GRID2: variants seen among roughly 807,000 people sequenced by gnomAD.
The protein encoded by GRID2 is glutamate receptor ionotropic, delta-2.
GRID2 carries 33 observed loss-of-function variants against 114.8 expected under a neutral mutation model. That is an observed-to-expected ratio of 0.29 (90% confidence interval 0.22 to 0.38). The LOEUF (loss-of-function observed/expected upper bound fraction) is 0.38, where lower values mean the gene tolerates loss of function less well. GRID2 is among the 10% of genes least tolerant of loss of function. The pLI, the probability that GRID2 is intolerant of heterozygous loss-of-function variation, is 1.00. For synonymous variants in GRID2, 505 were observed against 449.9 expected (o/e 1.12, Z -1.55); for missense variants, 1,184 against 1,257.7 (o/e 0.94, Z 0.89).
intron 7 of GRID2, among the ~76,000 whole-genome samples, chr4:93,229,025 C>T (rs1412965938): frequency 6.6e-6 from 1 of 152,046 alleles, no homozygotes; most frequent in Non-Finnish European, 1.5e-5. Context: ...TCAGCTTCTG[C>T]CCCAGTGTCA....
chr4:93,406,546 G>A (rs1413621700), intron 9 of GRID2, among the ~76,000 whole-genome samples: 5 of 152,098 alleles, frequency 3.3e-5, no homozygotes, highest in Non-Finnish European at 5.9e-5. Flanking sequence ...CTACAAGTGT[G>A]GGCAAAGAAT....
chr4:92,359,617 C>T (rs949045022), intron 1 of GRID2, among the ~76,000 whole-genome samples: 9 of 151,938 alleles, frequency 5.9e-5, no homozygotes, highest in Non-Finnish European at 1.3e-4. Context: ...TTCAATAGAG[C>T]ATAGCCCCTC....
chr4:93,435,301 C>T (rs553169696), intron 10 of GRID2, among the ~76,000 whole-genome samples: 2 of 152,220 alleles, frequency 1.3e-5, no homozygotes, highest in African/African-American at 2.4e-5. Flanking sequence ...GATCTCATTG[C>T]TCTTTAATAA....
At chr4:93,358,137 T>A (rs1761526491) in intron 8 of GRID2, among the ~76,000 whole-genome samples, 1 of 151,862 alleles carries the variant, frequency 6.6e-6, no homozygotes, top group Non-Finnish European at 1.5e-5. Flanking sequence ...TTTCTTCTTC[T>A]AATTTAGAAA....
Position 92,527,225 on chromosome 4 carries a change from A to G in GRID2, c.89-62906A>G, listed in dbSNP as rs574469891. 6.6e-5 allele frequency among the ~76,000 whole-genome samples: 10 copies of G among 152,274 alleles called. No homozygotes were observed. In the South Asian group the frequency reaches 2.1e-3, roughly 32 times the overall value. ...ACAAAAGAGAGAAGTAAGATTTTATAACCTCTTACAATTTGAATAAATGAT... is the reference window on the plus strand; with the variant it reads ...ACAAAAGAGAGAAGTAAGATTTTATGACCTCTTACAATTTGAATAAATGAT... On this transcript the variant is annotated intron_variant, in intron 1 of 15. Transcript: ENST00000282020.
At chr4:93,775,185 C>T (rs191691202), downstream of GRID2, among the ~76,000 whole-genome samples, 192 of 151,136 alleles carry the variant, frequency 1.3e-3, no homozygotes, top group African/African-American at 4.2e-3. Flanking sequence ...TCTAAAGTTC[C>T]ATCCAAAATA....
chr4:93,353,093 C>A (rs1255031885), intron 8 of GRID2, among the ~76,000 whole-genome samples: 1 of 151,958 alleles, frequency 6.6e-6, no homozygotes, highest in Non-Finnish European at 1.5e-5. Context: ...TTTAGAAAGC[C>A]AGGTGAGGCT....
At chr4:92,921,349 CGTCAAA>C (rs1262850314) in intron 2 of GRID2, among the ~76,000 whole-genome samples, 1 of 152,150 alleles carries the variant, frequency 6.6e-6, no homozygotes, top group African/African-American at 2.4e-5. Context: ...TCTCTCAACT[CGTCAAA>C]GTCATTCTCC....
At chr4:92,519,906 C>A (rs1579507746) in intron 1 of GRID2, among the ~76,000 whole-genome samples, 1 of 151,828 alleles carries the variant, frequency 6.6e-6, no homozygotes, top group South Asian at 2.1e-4. Context: ...ATAAGGTCCA[C>A]CCATATTGGG....
intron 1 of GRID2, among the ~76,000 whole-genome samples, chr4:92,543,527 T>C (rs1410735459): frequency 2.0e-5 from 3 of 152,288 alleles, no homozygotes. Context: ...GCATTTATTT[T>C]GTTCACTCCA....
intron 2 of GRID2, among the ~76,000 whole-genome samples, chr4:93,018,659 GT>G (rs1722998348): frequency 6.6e-6 from 1 of 151,964 alleles, no homozygotes; most frequent in Non-Finnish European, 1.5e-5. Context: ...TCAAAATTGA[GT>G]ATATCAATAA....
chr4:92,567,140 A>G (rs900918789), intron 1 of GRID2, among the ~76,000 whole-genome samples: 1 of 152,082 alleles, frequency 6.6e-6, no homozygotes, highest in Non-Finnish European at 1.5e-5. Flanking sequence ...TAGTTTATGT[A>G]TGAAATAACC....
intron 1 of GRID2, among the ~76,000 whole-genome samples, chr4:92,529,969 T>C (rs1057514463): frequency 2.6e-5 from 4 of 151,906 alleles, no homozygotes; most frequent in Non-Finnish European, 5.9e-5. Flanking sequence ...CAACATGATA[T>C]ACTTTGAGTT....
intron 2 of GRID2, among the ~76,000 whole-genome samples, chr4:92,665,794 T>A (rs1732742977): frequency 6.6e-6 from 1 of 151,260 alleles, no homozygotes; most frequent in African/African-American, 2.4e-5. Context: ...CTACTGATAG[T>A]CTCATTGAGG....
chr4:93,724,762 C>A (rs1729690572), intron 14 of GRID2, among the ~76,000 whole-genome samples: 1 of 151,836 alleles, frequency 6.6e-6, no homozygotes. Context: ...CCTCACTGCA[C>A]CATGTTCCAG....
In GRID2 at chr4:93,082,168, A is replaced by G. The variant is rs183476780; in HGVS notation, c.245-2827A>G. ...ACTGCGGCTTTGTTTTGAGTCATCC[A>G]GTCCCAATTCATTTTACTTGTGTGA... is the stretch of plus-strand genomic sequence containing the variant. On this transcript the variant is annotated intron_variant, in intron 2 of 15. Transcript: ENST00000282020. Among the ~76,000 whole-genome samples the G allele has an allele frequency of 1.6e-4, 24 of 152,342 alleles. 1 individual carries two copies. Among genetic ancestry groups the G allele is most frequent in the Non-Finnish European group, 2.2e-4 (15 of 68,030 alleles).
rs538222078 is a variant in GRID2 at position 93,338,198 on chromosome 4, C to T, written c.1246-57409C>T. Among the ~76,000 whole-genome samples the T allele has an allele frequency of 1.1e-4, 17 of 152,226 alleles. No individual in the cohort carries two copies. In the South Asian group the frequency reaches 3.5e-3, roughly 32 times the overall value. On this transcript the variant is annotated intron_variant, in intron 8 of 15. Transcript: ENST00000282020. ...TTTTTGAACAGGAAGCATATTTTCTCATTTTTTTGGTGCTATTTATATTTT... is the reference window on the plus strand; with the variant it reads ...TTTTTGAACAGGAAGCATATTTTCTTATTTTTTTGGTGCTATTTATATTTT...
chr4:93,632,712 T>C (rs1721035248), intron 14 of GRID2, among the ~76,000 whole-genome samples: 1 of 152,182 alleles, frequency 6.6e-6, no homozygotes, highest in Non-Finnish European at 1.5e-5. Flanking sequence ...TCTTTTTTGG[T>C]TCCATATGAA....
At chr4:93,055,510 A>G (rs1222612506) in intron 2 of GRID2, among the ~76,000 whole-genome samples, 3 of 152,028 alleles carry the variant, frequency 2.0e-5, no homozygotes, top group African/African-American at 7.2e-5. Context: ...CCTAAAACTT[A>G]AAGTATAATT....
Sources: allele counts gnomAD v4.1 joint callset (sites outside exome capture counted in the v4.1 genomes callset), GRCh38; gene constraint gnomAD v4.1.1; transcripts MANE v1.5; gene names NCBI Gene and HGNC (gene_info 2026-07-23, HGNC 2026-07-21).